Variants in ACBD6 observed in about 807,000 individuals in gnomAD.
ACBD6 encodes the protein acyl-CoA-binding domain-containing protein 6.
A neutral mutation model predicts 37.2 loss-of-function variants in ACBD6; 28 were observed. The observed-to-expected ratio is 0.75, with a 90% CI of 0.56 to 1.03. The LOEUF (loss-of-function observed/expected upper bound fraction) is 1.03. Ranked by LOEUF, ACBD6 falls within the 50% of genes least tolerant of loss-of-function variation. ACBD6 has a pLI of 0.00. For missense variants in ACBD6, 340 were observed against 337.4 expected (o/e 1.01, Z -0.06); for synonymous variants, 113 against 126.8 (o/e 0.89, Z 0.73).
intron 2 of ACBD6, among the ~76,000 whole-genome samples, chr1:180,494,224 G>A (rs898607131): frequency 8.6e-5 from 13 of 151,936 alleles, no homozygotes; most frequent in South Asian, 2.1e-4. Context: ...TTAATCATTC[G>A]TTGATGTTCT....
At chr1:180,334,382 G>A (rs982422323) in intron 6 of ACBD6, among the ~76,000 whole-genome samples, 4 of 152,178 alleles carry the variant, frequency 2.6e-5, no homozygotes, top group Non-Finnish European at 4.4e-5. Context: ...TGCAGCCGCC[G>A]CTGCTGATAC....
Position 180,325,337 on chromosome 1 carries a change from G to A in ACBD6, c.664-10615C>T, listed in dbSNP as rs917947171. ...TGTCTTCAAGCTCACAAATTCTTCT[G>A]CTTAATTCTGCTATTAAGAGACTGA... is the stretch of plus-strand genomic sequence containing the variant. On this transcript the variant is annotated intron_variant, in intron 6 of 7. Transcript: ENST00000367595. Among the ~76,000 whole-genome samples the A allele has an allele frequency of 2.6e-5, 4 of 151,992 alleles. 1 individual carries two copies. In the South Asian group the frequency reaches 6.2e-4, roughly 24 times the overall value.
At chr1:180,376,332 C>T (rs1442533556) in intron 6 of ACBD6, among the ~76,000 whole-genome samples, 1 of 152,210 alleles carries the variant, frequency 6.6e-6, no homozygotes, top group Non-Finnish European at 1.5e-5. Context: ...TTACAGGAAT[C>T]TATCCTGAAG....
intron 3 of ACBD6, among the ~76,000 whole-genome samples, chr1:180,443,652 G>A (rs1047114440): frequency 3.3e-5 from 5 of 152,028 alleles, no homozygotes; most frequent in East Asian, 1.9e-4. Context: ...TCACTCTGTC[G>A]CCCAGGCTGG....
intron 6 of ACBD6, among the ~76,000 whole-genome samples, chr1:180,317,138 C>A (rs780626318): frequency 6.6e-6 from 1 of 152,322 alleles, no homozygotes; most frequent in South Asian, 2.1e-4. Flanking sequence ...TGTGCGCACA[C>A]AGAAGGTTCT....
chr1:180,384,489 A>C (rs1393598439), intron 6 of ACBD6, among the ~76,000 whole-genome samples: 2 of 152,206 alleles, frequency 1.3e-5, no homozygotes, highest in Non-Finnish European at 2.9e-5. Flanking sequence ...TATTATTAAA[A>C]GATTAAAAAT....
At chr1:180,355,872 A>AT (rs34079820) in intron 6 of ACBD6, among the ~76,000 whole-genome samples, 1,982 of 147,904 alleles carry the variant, frequency 0.013, 49 homozygotes, top group African/African-American at 0.045. Flanking sequence ...TATTGCTATA[A>AT]TTTTTTTTTT....
intron 3 of ACBD6, among the ~76,000 whole-genome samples, chr1:180,484,145 G>A (rs943284173): frequency 6.6e-6 from 1 of 152,090 alleles, no homozygotes; most frequent in African/African-American, 2.4e-5. Context: ...TTACCTCATG[G>A]CTCAGGGCAT....
chr1:180,491,052 A>C (rs1651484943), intron 3 of ACBD6, among the ~76,000 whole-genome samples: 2 of 151,518 alleles, frequency 1.3e-5, no homozygotes, highest in South Asian at 4.2e-4. Flanking sequence ...TATCACTCCC[A>C]CTTTGTACTC....
chr1:180,418,289 T>C (rs1648184291), intron 4 of ACBD6, among the ~76,000 whole-genome samples: 1 of 152,074 alleles, frequency 6.6e-6, no homozygotes, highest in Non-Finnish European at 1.5e-5. Flanking sequence ...ATTTAAGACT[T>C]ATATGAGGAA....
At chr1:180,411,594 G>C (rs569860703) in intron 5 of ACBD6, among the ~76,000 whole-genome samples, 1 of 152,222 alleles carries the variant, frequency 6.6e-6, no homozygotes, top group East Asian at 1.9e-4. Flanking sequence ...TTTAAATTAA[G>C]GTATGTACTT....
intron 3 of ACBD6, among the ~76,000 whole-genome samples, chr1:180,480,444 G>T (rs11799870): frequency 6.6e-6 from 1 of 152,068 alleles, no homozygotes; most frequent in Non-Finnish European, 1.5e-5. Flanking sequence ...ATCACTGCTA[G>T]GTTTCTCACT....
chr1:180,292,592 T>C (rs191117229), intron 7 of ACBD6, among the ~76,000 whole-genome samples: 2 of 152,018 alleles, frequency 1.3e-5, no homozygotes, highest in East Asian at 1.9e-4. Context: ...CCTGTGAACT[T>C]GGTGAACTCA....
intron 8 of ACBD6, among the ~76,000 whole-genome samples, chr1:180,283,093 A>G (rs1030632675): frequency 1.3e-5 from 2 of 151,454 alleles, no homozygotes; most frequent in African/African-American, 4.8e-5. Flanking sequence ...CCATGGGCAC[A>G]GGAAGTGCCA....
intron 6 of ACBD6, among the ~76,000 whole-genome samples, chr1:180,341,007 T>G (rs1342769104): frequency 6.6e-6 from 1 of 152,116 alleles, no homozygotes; most frequent in Non-Finnish European, 1.5e-5. Context: ...CTGCTGAGAT[T>G]AGTGGTTATA....
At chr1:180,477,023 G>T (rs1327939976) in intron 3 of ACBD6, among the ~76,000 whole-genome samples, 2 of 151,982 alleles carry the variant, frequency 1.3e-5, no homozygotes, top group Non-Finnish European at 1.5e-5. Flanking sequence ...TATCCATGGG[G>T]TATGTATTCT....
chr1:180,470,913 T>C (rs1213230195), intron 3 of ACBD6, among the ~76,000 whole-genome samples: 1 of 152,218 alleles, frequency 6.6e-6, no homozygotes, highest in African/African-American at 2.4e-5. Flanking sequence ...TAGGTAAAAA[T>C]AATTGACTGC....
At chr1:180,419,060 G>A (rs534631516) in intron 4 of ACBD6, among the ~76,000 whole-genome samples, 2 of 152,314 alleles carry the variant, frequency 1.3e-5, no homozygotes, top group South Asian at 2.1e-4. Flanking sequence ...GACCATCCTC[G>A]CTAACACGGT....
intron 12 of ACBD6, chr1:180,272,910 TCGTTCCCACAGGGAG>T (rs1648769574): frequency 6.6e-6 from 1 of 152,206 alleles, no homozygotes; most frequent in Non-Finnish European, 1.5e-5. Context: ...GAAGGCATGA[TCGTTCCCACAGGGAG>T]CGTGTGGCTC....
Sources: allele counts gnomAD v4.1 joint callset (sites outside exome capture counted in the v4.1 genomes callset), GRCh38; gene constraint gnomAD v4.1.1; transcripts MANE v1.5; gene names NCBI Gene and HGNC (gene_info 2026-07-23, HGNC 2026-07-21).